PGBD1: variants seen among roughly 807,000 people sequenced by gnomAD.
PGBD1 encodes the protein piggyBac transposable element-derived protein 1.
Under a neutral mutation model 34.7 loss-of-function variants are expected in PGBD1, and 25 were observed. That is an observed-to-expected ratio of 0.72 (90% CI 0.52 to 1.00). The LOEUF (loss-of-function observed/expected upper bound fraction) is 1.00, where lower values mean the gene tolerates loss of function less well. Among genes scored for constraint, PGBD1 ranks in the 50% least tolerant of loss-of-function variants. The pLI is 0.00. For missense variants in PGBD1, 830 were observed against 959.4 expected, an observed-to-expected ratio of 0.87 and a Z score of 1.78; for synonymous variants, 292 against 335.7, an observed-to-expected ratio of 0.87 and a Z score of 1.42.
intron 4 of PGBD1, among the ~76,000 whole-genome samples, chr6:28,288,838 A>G (rs1018584072): frequency 6.6e-6 from 1 of 151,986 alleles, no homozygotes. Flanking sequence ...AAATACAAAA[A>G]AAAGGAGCCA....
intron 4 of PGBD1, among the ~76,000 whole-genome samples, chr6:28,291,634 A>G (rs567677782): frequency 6.6e-6 from 1 of 152,012 alleles, no homozygotes; most frequent in African/African-American, 2.4e-5. Flanking sequence ...CCAAAACTAG[A>G]CTAGGATACA....
Position 28,301,836 on chromosome 6 carries a change from T to G in PGBD1, c.1982T>G (p.Met661Arg), listed in dbSNP as rs1253229476. ...AACAGGACCGAAAAATGTCCCCTTATGAATGTAGAACATATGAAAAAAATG... is the reference window on the plus strand; with the variant it reads ...AACAGGACCGAAAAATGTCCCCTTAGGAATGTAGAACATATGAAAAAAATG... ...RENRTEKCPL[M>R]NVEHMKKMKR... Residue 661 changes from methionine (M) to arginine (R), a missense_variant, in exon 7 of 7, where the codon ATG (methionine) becomes AGG (arginine). Met to Arg is a moderately conservative substitution (Grantham distance 91, BLOSUM62 -1). Coordinates refer to ENST00000682144, the MANE Select transcript of PGBD1 (RefSeq NM_032507.4). The G allele has an allele frequency of 1.2e-6, 2 of 1,614,048 alleles. No homozygotes were observed. Among genetic ancestry groups the G allele is most frequent in the African/African-American group, 2.7e-5 (2 of 74,900 alleles).
chr6:28,297,856 A>AAAAAAAAAAT, intron 5 of PGBD1, 39 bp from the exon 6 acceptor site: 1 of 540,596 alleles, frequency 1.8e-6, no homozygotes, highest in Non-Finnish European at 3.3e-6. Flanking sequence ...CAAAATTCAC[A>AAAAAAAAAAT]TAACAGATGA....
At chr6:28,286,286 T>C (rs1185173218) in intron 3 of PGBD1, among the ~76,000 whole-genome samples, 1 of 152,250 alleles carries the variant, frequency 6.6e-6, no homozygotes, top group Non-Finnish European at 1.5e-5. Context: ...AATTACCACA[T>C]GTGCTCTTCA....
At chr6:28,295,517 C>T (rs1201699897) in intron 4 of PGBD1, among the ~76,000 whole-genome samples, 3 of 152,248 alleles carry the variant, frequency 2.0e-5, no homozygotes, top group Admixed American at 6.5e-5. Context: ...CCACAGCCAC[C>T]GAAACCTTCA....
chr6:28,282,340 A>G (rs1188774677), intron 1 of PGBD1, among the ~76,000 whole-genome samples: 1 of 145,002 alleles, frequency 6.9e-6, no homozygotes, highest in Non-Finnish European at 1.5e-5. Context: ...TGAGTGACAA[A>G]CAAATCAGCA....
intron 6 of PGBD1, among the ~76,000 whole-genome samples, chr6:28,299,118 A>G (rs1762743006): frequency 6.6e-6 from 1 of 152,226 alleles, no homozygotes; most frequent in Non-Finnish European, 1.5e-5. Flanking sequence ...TATGATGTTC[A>G]GTAACTTAGA....
chr6:28,286,476 A>C (rs1437891508), intron 3 of PGBD1, among the ~76,000 whole-genome samples: 1 of 152,126 alleles, frequency 6.6e-6, no homozygotes, highest in East Asian at 1.9e-4. Context: ...GACCTTCTTG[A>C]TTATTTTGAG....
intron 4 of PGBD1, among the ~76,000 whole-genome samples, chr6:28,292,709 A>T (rs777156221): frequency 1.3e-5 from 2 of 152,182 alleles, no homozygotes; most frequent in Non-Finnish European, 2.9e-5. Flanking sequence ...CCTTAATCTA[A>T]TGACTCATAT....
chr6:28,293,433 G>T (rs1425494814), intron 4 of PGBD1, among the ~76,000 whole-genome samples: 1 of 152,268 alleles, frequency 6.6e-6, no homozygotes, highest in African/African-American at 2.4e-5. Context: ...AAAATAAGGA[G>T]GTATGATATT....
chr6:28,284,350 A>G, intron 2 of PGBD1, 141 bp downstream of exon 2: 1 of 1,013,270 alleles, frequency 9.9e-7, no homozygotes. Flanking sequence ...CTCTTCATCC[A>G]AATTTGCCAG....
Position 28,283,897 on chromosome 6 carries a change from G to T in PGBD1, c.84G>T (p.Gln28His). 6.2e-7 allele frequency: 1 copy of T among 1,614,050 alleles called. No individual in the cohort carries two copies. Among genetic ancestry groups the T allele is most frequent in the Middle Eastern group, 1.7e-4 (1 of 6,060 alleles). ...AGGAGGAAGATCCCACCTGGGAGCA[G>T]GTGTGCAACTCACAGGAGGGCAGCT... is the stretch of plus-strand genomic sequence containing the variant. ...KVKEEDPTWE[Q>H]VCNSQEGSSH... Residue 28 changes from glutamine (Q) to histidine (H), a missense_variant, in exon 2 of 7, where the codon CAG (glutamine) becomes CAT (histidine). Around this residue, in one of 3 missense-constraint regions of PGBD1, gnomAD observed 457 missense variants for 515.4 expected, o/e 0.89. Transcript: ENST00000682144.
At position 28,298,397 on chromosome 6, in the gene PGBD1, T is replaced by C. The variant is rs574858038; in HGVS notation, c.869+406T>C. 7.3e-4 allele frequency among the ~76,000 whole-genome samples: 110 copies of C among 151,694 alleles called. 2 individuals carry two copies. Among genetic ancestry groups the C allele is most frequent in the South Asian group, 2.7e-3 (13 of 4,788 alleles). On this transcript the variant is annotated intron_variant, in intron 6 of 6. Coordinates refer to ENST00000682144, the MANE Select transcript of PGBD1 (RefSeq NM_032507.4). ...TGGAAGAGGACAAGCAGGGTACAGGTTGAGCATTCCAAATCTGAAATGTTC... is the reference window on the plus strand; with the variant it reads ...TGGAAGAGGACAAGCAGGGTACAGGCTGAGCATTCCAAATCTGAAATGTTC...
At position 28,300,730 on chromosome 6, in the gene PGBD1, T is replaced by C; in HGVS notation, c.876T>C (p.Cys292=). Residue 292 remains cysteine (C), a synonymous_variant, in exon 7 of 7, where the codon TGT becomes TGC. Coordinates refer to ENST00000682144, the MANE Select transcript of PGBD1 (RefSeq NM_032507.4). The surrounding 1 kb of genome is among the most constrained non-coding windows in gnomAD (Gnocchi z 4.0). ...GEASGKPNRE[C]APQIPCSTPI... ...TTCTTTTTTTCTTTCCCAGAGAGTG[T>C]GCACCCCAGATTCCTTGTAGTACTC... 6.2e-7 allele frequency: 1 copy of C among 1,606,842 alleles called. No homozygotes were observed. Among genetic ancestry groups the C allele is most frequent in the Non-Finnish European group, 8.5e-7 (1 of 1,176,654 alleles).
chr6:28,282,165 C>T (rs999548507), intron 1 of PGBD1, among the ~76,000 whole-genome samples: 3 of 152,280 alleles, frequency 2.0e-5, no homozygotes, highest in African/African-American at 7.2e-5. Context: ...CTTAGAAGGG[C>T]GGTCCTGACT....
intron 6 of PGBD1, among the ~76,000 whole-genome samples, chr6:28,298,837 AAGAG>A (rs1373278074): frequency 6.6e-6 from 1 of 152,168 alleles, no homozygotes; most frequent in Admixed American, 6.5e-5. Context: ...GGATTGCAGA[AAGAG>A]AGGGAACAAA....
rs142592282 is a variant in PGBD1, at chr6:28,300,006, A to C, written c.870-718A>C. 0.021 allele frequency among the ~76,000 whole-genome samples: 3,260 copies of C among 152,050 alleles called. 60 individuals are homozygous for C. Among genetic ancestry groups the C allele is most frequent in the African/African-American group, 0.057 (2,364 of 41,474 alleles). On this transcript the variant is annotated intron_variant, in intron 6 of 6. Transcript: ENST00000682144. The surrounding 1 kb of genome is among the most constrained non-coding windows in gnomAD (Gnocchi z 4.0). ...ACAGAGCTAGACTCTGTCTCAAAAA[A>C]AAAAAAAAACAAAACAAAACTTTTC...
rs1425632174 is a variant in PGBD1 at position 28,301,864 on chromosome 6, G to T, written c.2010G>T (p.Lys670Asn). The part of the protein sequence containing the change: ...LMNVEHMKKM[K>N]RGYFDFRIEE... The stretch of plus-strand genomic sequence containing the variant: ...ATGTAGAACATATGAAAAAAATGAA[G>T]AGAGGGTATTTTGATTTCCGAATAG... The change falls in exon 7 of 7, where the codon AAG becomes AAT. Residue 670 changes from lysine to asparagine, a missense_variant. Lys to Asn is a moderately conservative substitution (Grantham distance 94, BLOSUM62 0). This residue lies in a region of PGBD1 where 372 missense variants were observed against 427.9 expected (regional missense o/e 0.87). Transcript: ENST00000682144. 1 of 1,614,034 alleles carries T rather than the reference G, an allele frequency of 6.2e-7. No homozygotes were observed. Among genetic ancestry groups the T allele is most frequent in the Non-Finnish European group, 8.5e-7 (1 of 1,180,044 alleles).
At chr6:28,286,241 G>T (rs1277753504) in intron 3 of PGBD1, among the ~76,000 whole-genome samples, 1 of 152,170 alleles carries the variant, frequency 6.6e-6, no homozygotes, top group Admixed American at 6.5e-5. Context: ...GCAGAGCAAA[G>T]AAAAGTGATG....
Sources: gnomAD v4.1 joint callset for allele counts (sites outside exome capture counted in the v4.1 genomes callset) on GRCh38, gnomAD v4.1.1 for gene constraint, gnomAD v4.1.1 regional missense constraint, Gnocchi (gnomAD v3.1) non-coding constraint, MANE v1.5 for transcripts, NCBI Gene and HGNC (gene_info 2026-07-23, HGNC 2026-07-21) for gene names.